The following OSBPL6 variants were observed in gnomAD, a reference collection of about 807,000 sequenced individuals.
The protein encoded by OSBPL6 is oxysterol binding protein like 6.
A neutral mutation model predicts 125.8 loss-of-function variants in OSBPL6; 49 were observed. That is an observed-to-expected ratio of 0.39 (90% CI 0.31 to 0.49). The LOEUF (loss-of-function observed/expected upper bound fraction) is 0.49. OSBPL6 is among the 20% of genes least tolerant of loss of function. The pLI is 0.88. For synonymous variants in OSBPL6, 394 were observed against 391.8 expected, an observed-to-expected ratio of 1.01 and a Z score of -0.07; for missense variants, 986 against 1,135.4, an observed-to-expected ratio of 0.87 and a Z score of 1.89.
At chr2:178,291,709 C>T (rs1685285461) in intron 2 of OSBPL6, among the ~76,000 whole-genome samples, 1 of 150,076 alleles carries the variant, frequency 6.7e-6, no homozygotes, top group South Asian at 2.1e-4. Context: ...TTCCTTCTTT[C>T]CTCCCTCCCT....
intron 1 of OSBPL6, among the ~76,000 whole-genome samples, chr2:178,258,394 G>A (rs1319472241): frequency 1.3e-5 from 2 of 152,132 alleles, no homozygotes; most frequent in Non-Finnish European, 2.9e-5. Context: ...ACTGTGCCTG[G>A]CCAGGCTCTA....
At chr2:178,213,029 G>A (rs62177216) in intron 1 of OSBPL6, among the ~76,000 whole-genome samples, 14,650 of 151,888 alleles carry the variant, frequency 0.096, 819 homozygotes, top group African/African-American at 0.15. Flanking sequence ...GGCTGGTCTC[G>A]AACTCCTGGC....
intron 1 of OSBPL6, among the ~76,000 whole-genome samples, chr2:178,266,750 AG>A (rs1412848747): frequency 2.6e-5 from 4 of 152,246 alleles, no homozygotes; most frequent in Non-Finnish European, 4.4e-5. Flanking sequence ...ATGAAACTAA[AG>A]CAATTCAAAG....
intron 13 of OSBPL6, among the ~76,000 whole-genome samples, chr2:178,363,431 C>T (rs1252053831): frequency 6.6e-6 from 1 of 152,210 alleles, no homozygotes; most frequent in Non-Finnish European, 1.5e-5. Flanking sequence ...ATGTTCCCAG[C>T]AAGCTCGTGA....
intron 15 of OSBPL6, among the ~76,000 whole-genome samples, chr2:178,377,083 ATG>A (rs1488060311): frequency 6.6e-6 from 1 of 152,200 alleles, no homozygotes; most frequent in Non-Finnish European, 1.5e-5. Flanking sequence ...AAGTTCCCTT[ATG>A]TATAAGAGAG....
At chr2:178,365,431 G>A (rs1553568631) in intron 13 of OSBPL6, among the ~76,000 whole-genome samples, 1 of 152,110 alleles carries the variant, frequency 6.6e-6, no homozygotes, top group Non-Finnish European at 1.5e-5. Flanking sequence ...AATTTGCAAG[G>A]CTGGACAGTC....
chr2:178,357,378 A>G (rs758984242), intron 12 of OSBPL6, among the ~76,000 whole-genome samples: 10 of 152,248 alleles, frequency 6.6e-5, no homozygotes, highest in Non-Finnish European at 1.0e-4. Context: ...CGAAGAACTC[A>G]AACAAATTTA....
At chr2:178,383,906 A>G in intron 17 of OSBPL6, 133 bp from the exon 18 acceptor site, 1 of 1,085,258 alleles carries the variant, frequency 9.2e-7, no homozygotes, top group Non-Finnish European at 1.3e-6. Context: ...TTCTGTACAG[A>G]CAATAGAAAA....
At chr2:178,368,391 C>G (rs1693057041) in intron 13 of OSBPL6, among the ~76,000 whole-genome samples, 1 of 152,102 alleles carries the variant, frequency 6.6e-6, no homozygotes, top group Non-Finnish European at 1.5e-5. Context: ...TATGTAACAG[C>G]AAACTCTTTT....
chr2:178,333,862 A>G (rs989784633), intron 8 of OSBPL6, among the ~76,000 whole-genome samples: 3 of 152,228 alleles, frequency 2.0e-5, no homozygotes, highest in African/African-American at 7.2e-5. Flanking sequence ...TGTGTTAAGC[A>G]TTTGGCACTC....
At chr2:178,389,230 A>T in intron 21 of OSBPL6, 77 bp downstream of exon 21, 1 of 1,397,330 alleles carries the variant, frequency 7.2e-7, no homozygotes, top group Non-Finnish European at 9.8e-7. Flanking sequence ...AATCACCTTA[A>T]ATAGCAGCAA....
chr2:178,331,414 C>T, intron 5 of OSBPL6, 138 bp from the exon 6 acceptor site: 1 of 865,504 alleles, frequency 1.2e-6, no homozygotes, highest in African/African-American at 1.7e-5. Flanking sequence ...TGACTGTGGC[C>T]AAATGCACTG....
chr2:178,385,431 T>A, intron 18 of OSBPL6, 27 bp from the exon 19 acceptor site: 1 of 1,540,556 alleles, frequency 6.5e-7, no homozygotes, highest in Non-Finnish European at 8.9e-7. Context: ...ACACTGATAC[T>A]GCCTTTTTTT....
intron 11 of OSBPL6, among the ~76,000 whole-genome samples, chr2:178,341,468 G>A (rs1387092109): frequency 6.6e-6 from 1 of 151,006 alleles, no homozygotes; most frequent in African/African-American, 2.4e-5. Flanking sequence ...TGTCCAAAAA[G>A]CTAGAAAATA....
intron 2 of OSBPL6, among the ~76,000 whole-genome samples, chr2:178,291,345 A>G (rs16866212): frequency 0.011 from 1,651 of 152,220 alleles, 30 homozygotes; most frequent in African/African-American, 0.038. Context: ...TACATTTTGG[A>G]TGGTAGATCA....
intron 1 of OSBPL6, among the ~76,000 whole-genome samples, chr2:178,203,577 C>T (rs1306830353): frequency 6.6e-6 from 1 of 152,174 alleles, no homozygotes; most frequent in African/African-American, 2.4e-5. Context: ...GATCTCCTTA[C>T]CATGAGTCAT....
At chr2:178,273,240 G>A (rs773381949) in intron 1 of OSBPL6, among the ~76,000 whole-genome samples, 58 of 152,274 alleles carry the variant, frequency 3.8e-4, no homozygotes, top group Non-Finnish European at 5.7e-4. Flanking sequence ...ATCTCTAATA[G>A]TAGGCTAAGG....
intron 1 of OSBPL6, among the ~76,000 whole-genome samples, chr2:178,228,877 T>C (rs1410362524): frequency 6.6e-6 from 1 of 152,216 alleles, no homozygotes; most frequent in Non-Finnish European, 1.5e-5. Flanking sequence ...CTAAATATAT[T>C]TAGTTTACCA....
chr2:178,280,401 T>A (rs1343153584), intron 1 of OSBPL6, among the ~76,000 whole-genome samples: 3 of 152,190 alleles, frequency 2.0e-5, no homozygotes, highest in Admixed American at 6.5e-5. Context: ...CAGAGATGAT[T>A]GGTTATAACT....
Sources: allele counts gnomAD v4.1 joint callset (sites outside exome capture counted in the v4.1 genomes callset), GRCh38; gene constraint gnomAD v4.1.1; transcripts MANE v1.5; gene names NCBI Gene and HGNC (gene_info 2026-07-23, HGNC 2026-07-21).